MAPK10: variants seen among roughly 807,000 people sequenced by gnomAD.
MAPK10 encodes mitogen-activated protein kinase 10.
In MAPK10, 25 loss-of-function variants were observed where a neutral mutation model predicts 59.3. The observed-to-expected ratio is 0.42, with a 90% CI of 0.31 to 0.59. The LOEUF (loss-of-function observed/expected upper bound fraction) is 0.59. MAPK10 is among the 20% of genes least tolerant of loss of function. The pLI is 0.15. For synonymous variants in MAPK10, 190 were observed against 200.5 expected (o/e 0.95, Z 0.44); for missense variants, 351 against 568.9 (o/e 0.62, Z 3.90).
intron 2 of MAPK10, among the ~76,000 whole-genome samples, chr4:86,210,365 ACTAT>A (rs1297703294): frequency 6.6e-6 from 1 of 152,010 alleles, no homozygotes; most frequent in Non-Finnish European, 1.5e-5. Flanking sequence ...ATATTTGCAA[ACTAT>A]CTATGTGACA....
chr4:86,480,038 T>G (rs1753471159), intron 1 of MAPK10, among the ~76,000 whole-genome samples: 1 of 152,206 alleles, frequency 6.6e-6, no homozygotes, highest in Non-Finnish European at 1.5e-5. Flanking sequence ...TGTTTTATTT[T>G]TCTTACTAAT....
At chr4:86,349,941 G>A (rs1272213550) in intron 2 of MAPK10, among the ~76,000 whole-genome samples, 1 of 152,176 alleles carries the variant, frequency 6.6e-6, no homozygotes, top group Non-Finnish European at 1.5e-5. Context: ...AATCACAGAG[G>A]TAGGAAACAC....
chr4:86,355,881 A>G (rs1230466835), intron 1 of MAPK10, among the ~76,000 whole-genome samples: 2 of 152,178 alleles, frequency 1.3e-5, no homozygotes, highest in African/African-American at 2.4e-5. Context: ...AATGTATAAG[A>G]AGAGGACAAT....
chr4:86,207,279 T>A (rs1259408222), intron 2 of MAPK10, among the ~76,000 whole-genome samples: 1 of 151,642 alleles, frequency 6.6e-6, no homozygotes, highest in African/African-American at 2.4e-5. Flanking sequence ...AGCCAGTTTT[T>A]CCAGCACCAT....
chr4:86,024,810 T>C (rs1749364355), intron 13 of MAPK10: 3 of 152,224 alleles, frequency 2.0e-5, no homozygotes, highest in Admixed American at 2.0e-4. Flanking sequence ...TCCTATCCTC[T>C]GTGTTGGAAT....
intron 1 of MAPK10, among the ~76,000 whole-genome samples, chr4:86,521,939 C>T (rs1579469735): frequency 6.6e-6 from 1 of 152,226 alleles, no homozygotes; most frequent in African/African-American, 2.4e-5. Context: ...CTGCTGGCTG[C>T]CTTCCCTTCC....
At chr4:86,216,103 A>C (rs1157414504) in intron 2 of MAPK10, among the ~76,000 whole-genome samples, 2 of 151,998 alleles carry the variant, frequency 1.3e-5, no homozygotes, top group Non-Finnish European at 2.9e-5. Context: ...GTGATCCAGC[A>C]ATCCCATGCC....
intron 3 of MAPK10, among the ~76,000 whole-genome samples, chr4:86,183,813 CT>C (rs965733759): frequency 4.6e-5 from 7 of 152,178 alleles, no homozygotes; most frequent in African/African-American, 1.7e-4. Context: ...TGTTTCCTGA[CT>C]TTTTAATGAT....
chr4:86,111,337 C>G (rs995362713), intron 4 of MAPK10, among the ~76,000 whole-genome samples: 3 of 152,088 alleles, frequency 2.0e-5, no homozygotes, highest in African/African-American at 7.2e-5. Context: ...AGCTTTTGCC[C>G]ATTCAGTATG....
chr4:86,098,792 ATTAATGT>A (rs1254692168), intron 8 of MAPK10, 197 bp from the exon 9 acceptor site: 2 of 515,622 alleles, frequency 3.9e-6, no homozygotes, highest in African/African-American at 3.8e-5. Flanking sequence ...GAGAACTCAA[ATTAATGT>A]TTAAAAACCC....
intron 2 of MAPK10, among the ~76,000 whole-genome samples, chr4:86,224,263 A>G (rs531822710): frequency 8.5e-5 from 13 of 152,360 alleles, no homozygotes; most frequent in African/African-American, 3.1e-4. Flanking sequence ...GATATTATCA[A>G]TGCCATTTTA....
intron 13 of MAPK10, among the ~76,000 whole-genome samples, chr4:86,020,054 C>T (rs1745598151): frequency 6.6e-6 from 1 of 152,188 alleles, no homozygotes; most frequent in Non-Finnish European, 1.5e-5. Flanking sequence ...AGCATTTCAT[C>T]ATCCCTAAAG....
intron 1 of MAPK10, chr4:86,357,580 T>C (rs762418733): frequency 6.6e-6 from 1 of 152,172 alleles, no homozygotes; most frequent in African/African-American, 2.4e-5. Flanking sequence ...CATTCTAACC[T>C]TAGAATATAT....
At chr4:86,419,283 G>C (rs972701627) in intron 1 of MAPK10, among the ~76,000 whole-genome samples, 6 of 151,966 alleles carry the variant, frequency 3.9e-5, no homozygotes, top group Non-Finnish European at 8.8e-5. Flanking sequence ...TATTGGTTTT[G>C]CTTTCCTTCT....
At chr4:86,295,753 T>TTA (rs59281488) in intron 2 of MAPK10, among the ~76,000 whole-genome samples, 7,332 of 143,096 alleles carry the variant, frequency 0.051, 573 homozygotes, top group African/African-American at 0.18. Context: ...TATATATATT[T>TTA]TATATATATA....
chr4:86,234,651 TTTCCATTTAAAATCACCATC>T (rs1337832476), intron 2 of MAPK10, among the ~76,000 whole-genome samples: 1 of 152,112 alleles, frequency 6.6e-6, no homozygotes, highest in African/African-American at 2.4e-5. Flanking sequence ...AAATCAACTT[TTTCCATTTAAAATCACCATC>T]TTCCATTTAA....
rs536503424 is a variant in MAPK10 at position 86,479,180 on chromosome 4, C to T, written c.-263+114730G>A. Among the ~76,000 whole-genome samples the T allele has an allele frequency of 3.5e-4, 53 of 152,168 alleles. 1 individual carries two copies. Among genetic ancestry groups the T allele is most frequent in the African/African-American group, 1.2e-3 (50 of 41,512 alleles). ...ACAGAATTCCTCGGTTTGGCCTTCC[C>T]ACCTCTATACAGTCCTGTAAGGGAC... On this transcript the variant is annotated intron_variant, in intron 1 of 4. Transcript: ENST00000502302.
intron 1 of MAPK10, among the ~76,000 whole-genome samples, chr4:86,372,567 A>AGAAAGAAAGGAAG (rs1554253760): frequency 3.0e-5 from 4 of 132,938 alleles, no homozygotes; most frequent in South Asian, 5.0e-4. Context: ...AAAGAAAGAA[A>AGAAAGAAAGGAAG]GAAAAGAAAA....
chr4:86,098,320 C>T lies in MAPK10; in HGVS notation c.802+204G>A, dbSNP rs537208921. 285 of 528,246 alleles carry T rather than the reference C, an allele frequency of 5.4e-4. 1 individual carries two copies. Among genetic ancestry groups the T allele is most frequent in the African/African-American group, 5.2e-3 (266 of 51,256 alleles). The allele number at this position is 528,246 out of a possible 1,614,324, so 32.7% of individuals were successfully genotyped here. A position where few individuals can be genotyped will look rare whatever the true frequency, so the allele number is the denominator to read the frequency against. On this transcript the variant is annotated intron_variant, in intron 9 of 13. Transcript: ENST00000641462. ...AGAAAGTAATTTTAGAAGAAAAAAG[C>T]CCATTGAAATTTAATTAAAAGAAAT...
Sources: gnomAD v4.1 joint callset for allele counts (sites outside exome capture counted in the v4.1 genomes callset) on GRCh38, gnomAD v4.1.1 for gene constraint, MANE v1.5 for transcripts, NCBI Gene and HGNC (gene_info 2026-07-23, HGNC 2026-07-21) for gene names.